Variants in DKK3 observed in about 807,000 individuals in gnomAD.
The protein encoded by DKK3 is dickkopf Wnt signaling pathway inhibitor 3, also known as dickkopf-related protein 3.
DKK3 carries 22 observed loss-of-function variants against 33.2 expected under a neutral mutation model. The observed-to-expected ratio is 0.66, with a 90% CI of 0.47 to 0.95. The LOEUF (loss-of-function observed/expected upper bound fraction) is 0.95. DKK3 is among the 40% of genes least tolerant of loss of function. DKK3 has a pLI of 0.00. For synonymous variants in DKK3, 194 were observed against 188.8 expected, an observed-to-expected ratio of 1.03 and a Z score of -0.23; for missense variants, 398 against 458.4, an observed-to-expected ratio of 0.87 and a Z score of 1.20.
intron 3 of DKK3, among the ~76,000 whole-genome samples, chr11:11,969,830 C>A (rs933810856): frequency 1.3e-5 from 2 of 152,208 alleles, no homozygotes; most frequent in African/African-American, 2.4e-5. Flanking sequence ...TGCTCCCTTG[C>A]CAAGCATTGA....
Position 11,983,027 on chromosome 11 carries a change from T to A in DKK3, c.436-14540A>T, listed in dbSNP as rs900926482. ...ACAGGGTGGAAGCGCATGCTTCTGTTTTTCAGTAATTACAAAAAGCCAAGC... is the reference window on the plus strand; with the variant it reads ...ACAGGGTGGAAGCGCATGCTTCTGTATTTCAGTAATTACAAAAAGCCAAGC... On this transcript the variant is annotated intron_variant, in intron 3 of 6. Transcript: ENST00000683431. Among the ~76,000 whole-genome samples, 3 of 152,266 alleles carry A rather than the reference T, an allele frequency of 2.0e-5. No homozygotes were observed. In the East Asian group the frequency reaches 5.8e-4, roughly 29 times the overall value.
At chr11:12,004,813 G>A (rs944380530) in intron 1 of DKK3, among the ~76,000 whole-genome samples, 1 of 152,208 alleles carries the variant, frequency 6.6e-6, no homozygotes, top group Admixed American at 6.5e-5. Context: ...CTTTAAGAAG[G>A]CAGTTTCAAA....
intron 3 of DKK3, among the ~76,000 whole-genome samples, chr11:11,996,456 C>T (rs1022871982): frequency 1.8e-4 from 27 of 152,266 alleles, no homozygotes; most frequent in African/African-American, 5.8e-4. Flanking sequence ...CAAGCCACTG[C>T]GACAATGAGT....
chr11:11,994,521 A>T (rs545753466), intron 3 of DKK3: 2 of 152,264 alleles, frequency 1.3e-5, no homozygotes, highest in South Asian at 4.2e-4. Flanking sequence ...CAGGAGGCAG[A>T]TCCTCTGGGA....
intron 3 of DKK3, among the ~76,000 whole-genome samples, chr11:11,975,129 C>T (rs1316257726): frequency 1.3e-5 from 2 of 152,184 alleles, no homozygotes; most frequent in Admixed American, 6.5e-5. Context: ...CCTGTTAAGT[C>T]GTCCTGTTTG....
chr11:12,007,841 C>T (rs1848569638), intron 1 of DKK3, among the ~76,000 whole-genome samples: 3 of 152,212 alleles, frequency 2.0e-5, no homozygotes, highest in Non-Finnish European at 4.4e-5. Flanking sequence ...TTTAGGATTT[C>T]CATCTTCCCT....
In DKK3 at chr11:11,998,732, G is replaced by A. The variant is rs1454373381; in HGVS notation, c.399C>T (p.Ile133=). ...TGCCTTCTTCGTCTCCCACAGATGTGATAACTGTCTCTGAAAAGACCATTT... is the reference window on the plus strand; with the variant it reads ...TGCCTTCTTCGTCTCCCACAGATGTAATAACTGTCTCTGAAAAGACCATTT... ...TGQMVFSETV[I]TSVGDEEGRR... Residue 133 remains isoleucine (I), a synonymous_variant, in exon 3 of 7, where the codon ATC becomes ATT. Coordinates refer to ENST00000683431, the MANE Select transcript of DKK3 (RefSeq NM_001018057.2). 1 of 1,614,060 alleles carries A rather than the reference G, an allele frequency of 6.2e-7. No individual in the cohort carries two copies. Among genetic ancestry groups the A allele is most frequent in the African/African-American group, 1.3e-5 (1 of 74,922 alleles).
intron 3 of DKK3, 146 bp from the exon 4 acceptor site, chr11:11,968,633 G>C: frequency 1.5e-6 from 1 of 645,276 alleles, no homozygotes; most frequent in Non-Finnish European, 2.5e-6. Flanking sequence ...GACTCTAGTC[G>C]CTCCTGATCC....
intron 1 of DKK3, 54 bp from the exon 2 acceptor site, chr11:12,002,491 G>A (rs766507074): frequency 1.2e-5 from 19 of 1,562,340 alleles, no homozygotes; most frequent in Non-Finnish European, 1.6e-5. Context: ...TTACAAATGG[G>A]AGTCTATTAG....
At chr11:11,968,517 C>A in intron 3 of DKK3, 30 bp from the exon 4 acceptor site, 1 of 1,599,234 alleles carries the variant, frequency 6.3e-7, no homozygotes, top group Non-Finnish European at 8.5e-7. Flanking sequence ...GCAGATGTGT[C>A]AATGGAGAGC....
At chr11:11,965,746 C>G (rs1223005171) in intron 6 of DKK3, 63 bp downstream of exon 6, 7 of 1,573,690 alleles carry the variant, frequency 4.4e-6, no homozygotes, top group Non-Finnish European at 6.0e-6. Context: ...TGCTCCTACG[C>G]CCCTGCTGGA....
chr11:12,009,738 T>C (rs1848618100), upstream of DKK3: 2 of 985,440 alleles, frequency 2.0e-6, no homozygotes, highest in African/African-American at 1.7e-5. Context: ...TAGTCTGCCG[T>C]GATTGACACC....
chr11:11,976,754 C>A (rs1375678674), intron 3 of DKK3, among the ~76,000 whole-genome samples: 5 of 152,214 alleles, frequency 3.3e-5, no homozygotes, highest in African/African-American at 9.6e-5. Context: ...AGCAACAGTG[C>A]CCTGAGGAAG....
At chr11:11,983,591 G>A (rs557385931) in intron 3 of DKK3, among the ~76,000 whole-genome samples, 1 of 152,360 alleles carries the variant, frequency 6.6e-6, no homozygotes, top group South Asian at 2.1e-4. Flanking sequence ...GGAGAAGGGA[G>A]TCAGAGGATG....
chr11:11,982,398 G>A (rs1415638967), intron 3 of DKK3, among the ~76,000 whole-genome samples: 3 of 152,134 alleles, frequency 2.0e-5, no homozygotes, highest in Non-Finnish European at 4.4e-5. Context: ...TCTGAAGGGT[G>A]GTACCTGCTC....
chr11:11,978,148 AAG>A (rs561516182), intron 3 of DKK3, among the ~76,000 whole-genome samples: 184 of 152,272 alleles, frequency 1.2e-3, no homozygotes, highest in Non-Finnish European at 2.2e-3. Context: ...CATTTCTTGG[AAG>A]AGAGAAAGTG....
At chr11:11,989,926 T>A (rs1848153513) in intron 3 of DKK3, among the ~76,000 whole-genome samples, 1 of 152,220 alleles carries the variant, frequency 6.6e-6, no homozygotes, top group South Asian at 2.1e-4. Flanking sequence ...CCTTGTATCA[T>A]TGTCATGTGG....
At chr11:11,980,141 A>G (rs1847925113) in intron 3 of DKK3, among the ~76,000 whole-genome samples, 1 of 152,172 alleles carries the variant, frequency 6.6e-6, no homozygotes, top group Non-Finnish European at 1.5e-5. Context: ...TCACCCAGCA[A>G]CCTACAGAAA....
chr11:11,970,657 C>A (rs1847704867), intron 3 of DKK3, among the ~76,000 whole-genome samples: 1 of 152,226 alleles, frequency 6.6e-6, no homozygotes, highest in East Asian at 1.9e-4. Flanking sequence ...CTGACGGAAT[C>A]ACAAGGGACT....
Sources: gnomAD v4.1 joint callset for allele counts (sites outside exome capture counted in the v4.1 genomes callset) on GRCh38, gnomAD v4.1.1 for gene constraint, MANE v1.5 for transcripts, NCBI Gene and HGNC (gene_info 2026-07-23, HGNC 2026-07-21) for gene names.